Variants in ARHGAP15 observed in about 807,000 individuals in gnomAD.
ARHGAP15 encodes the protein rho GTPase-activating protein 15.
ARHGAP15 carries 51 observed loss-of-function variants against 63.7 expected under a neutral mutation model. That is an observed-to-expected ratio of 0.80 (90% CI 0.64 to 1.01). ARHGAP15 has a LOEUF of 1.01. Among genes scored for constraint, ARHGAP15 ranks in the 50% least tolerant of loss-of-function variants. The probability of loss-of-function intolerance (pLI) is 0.00; values close to 1 mark genes in which losing one functional copy is unlikely to be tolerated. For missense variants in ARHGAP15, 560 were observed against 564.6 expected, an observed-to-expected ratio of 0.99 and a Z score of 0.08; for synonymous variants, 191 against 193.8, an observed-to-expected ratio of 0.99 and a Z score of 0.12.
chr2:143,714,299 G>A (rs939240675), intron 13 of ARHGAP15, among the ~76,000 whole-genome samples: 1 of 152,178 alleles, frequency 6.6e-6, no homozygotes, highest in Non-Finnish European at 1.5e-5. Flanking sequence ...TTTCAGCCAT[G>A]GCTGGAGTGG....
At chr2:143,435,305 A>C in intron 6 of ARHGAP15, 1 of 1,060,332 alleles carries the variant, frequency 9.4e-7, no homozygotes. Context: ...TACTGTCTGC[A>C]GTTCTCTGAA....
chr2:143,468,904 G>A (rs1691381163), intron 8 of ARHGAP15, among the ~76,000 whole-genome samples: 1 of 152,222 alleles, frequency 6.6e-6, no homozygotes, highest in Middle Eastern at 3.4e-3. Flanking sequence ...TAGACACTAT[G>A]TCTGTCTCTC....
intron 6 of ARHGAP15, chr2:143,344,103 G>A (rs1351238475): frequency 2.6e-5 from 4 of 152,032 alleles, no homozygotes; most frequent in Admixed American, 6.6e-5. Context: ...CATTCAGAAC[G>A]ATTACTTGTT....
At chr2:143,187,250 A>G (rs969972061) in intron 2 of ARHGAP15, among the ~76,000 whole-genome samples, 7 of 152,188 alleles carry the variant, frequency 4.6e-5, no homozygotes, top group African/African-American at 1.7e-4. Context: ...TTCAAAGACC[A>G]AGAGGAAGCC....
At chr2:143,372,037 A>T (rs2104916321) in intron 6 of ARHGAP15, among the ~76,000 whole-genome samples, 1 of 150,052 alleles carries the variant, frequency 6.7e-6, no homozygotes, top group South Asian at 2.1e-4. Flanking sequence ...TAAATAAATA[A>T]ATAAATAAAT....
chr2:143,363,194 A>G (rs1686138111), intron 6 of ARHGAP15, among the ~76,000 whole-genome samples: 1 of 152,038 alleles, frequency 6.6e-6, no homozygotes, highest in African/African-American at 2.4e-5. Context: ...TTTTTTTGGA[A>G]CATGTTAACT....
At chr2:143,287,450 G>T (rs529918880) in intron 6 of ARHGAP15, among the ~76,000 whole-genome samples, 2 of 152,042 alleles carry the variant, frequency 1.3e-5, no homozygotes, top group Admixed American at 1.3e-4. Context: ...GTCATTGAAA[G>T]TTCACTTCCA....
chr2:143,607,584 A>G (rs1244543600), intron 11 of ARHGAP15: 2 of 151,962 alleles, frequency 1.3e-5, no homozygotes, highest in Non-Finnish European at 2.9e-5. Flanking sequence ...ACAGAGAGAG[A>G]GATCTTTCAT....
chr2:143,410,887 A>C, intron 6 of ARHGAP15, among the ~76,000 whole-genome samples: 1 of 151,598 alleles, frequency 6.6e-6, no homozygotes, highest in Non-Finnish European at 1.5e-5. Context: ...GATAGCTTCA[A>C]TCAGAGTAAA....
At chr2:143,219,947 T>C (rs1221647665) in intron 4 of ARHGAP15, among the ~76,000 whole-genome samples, 2 of 152,244 alleles carry the variant, frequency 1.3e-5, no homozygotes, top group Non-Finnish European at 2.9e-5. Flanking sequence ...GGGATAATAA[T>C]GCTTTGTCAA....
At position 143,549,072 on chromosome 2, in the gene ARHGAP15, C is replaced by T. The variant is rs554123796; in HGVS notation, c.926-7336C>T. ...ACTTCCAACATTAGAATTGGAATCACGTAACAACTGTTTTAAATATTCATA... is the reference window on the plus strand; with the variant it reads ...ACTTCCAACATTAGAATTGGAATCATGTAACAACTGTTTTAAATATTCATA... On this transcript the variant is annotated intron_variant, in intron 10 of 13. Transcript: ENST00000295095. Among the ~76,000 whole-genome samples, 200 of 152,262 alleles carry T rather than the reference C, an allele frequency of 1.3e-3. 8 individuals are homozygous for T. In the South Asian group the frequency reaches 0.038, roughly 29 times the overall value.
At chr2:143,316,086 CAAAAAT>C (rs761454432) in intron 6 of ARHGAP15, among the ~76,000 whole-genome samples, 49 of 151,526 alleles carry the variant, frequency 3.2e-4, no homozygotes, top group Admixed American at 9.2e-4. Flanking sequence ...AACTCTGTCT[CAAAAAT>C]AAAAATAAAA....
chr2:143,221,019 C>T (rs1692974469), intron 4 of ARHGAP15, among the ~76,000 whole-genome samples: 1 of 152,172 alleles, frequency 6.6e-6, no homozygotes, highest in Admixed American at 6.5e-5. Flanking sequence ...TAGCCCTGAC[C>T]TCTGCTTGAA....
At chr2:143,199,344 C>A (rs1692011133) in intron 2 of ARHGAP15, among the ~76,000 whole-genome samples, 1 of 152,108 alleles carries the variant, frequency 6.6e-6, no homozygotes, top group Non-Finnish European at 1.5e-5. Flanking sequence ...AAAATAGAAG[C>A]TTATTTCTCA....
rs532807708 is a variant in ARHGAP15, at chr2:143,181,727, C to T, written c.166-20407C>T. On this transcript the variant is annotated intron_variant, in intron 2 of 13. Transcript: ENST00000295095. ...AGCTCTTAAGGGAAAGTTGTGGCTG[C>T]TTTGATCTTCTATCCAGACCACTCA... is the stretch of plus-strand genomic sequence containing the variant. Among the ~76,000 whole-genome samples, 6 of 152,296 alleles carry T rather than the reference C, an allele frequency of 3.9e-5. No homozygotes were observed. In the South Asian group the frequency reaches 1.2e-3, roughly 32 times the overall value.
chr2:143,155,690 G>A (rs762082438), intron 2 of ARHGAP15, 35 bp downstream of exon 2: 6 of 1,495,850 alleles, frequency 4.0e-6, no homozygotes, highest in Non-Finnish European at 5.3e-6. Flanking sequence ...CAAGTTCCTT[G>A]TCATACAGAA....
At chr2:143,546,576 C>G (rs1695340624) in intron 10 of ARHGAP15, among the ~76,000 whole-genome samples, 1 of 152,090 alleles carries the variant, frequency 6.6e-6, no homozygotes, top group Non-Finnish European at 1.5e-5. Flanking sequence ...GTGGCCACCC[C>G]ACTGCTGTGT....
intron 11 of ARHGAP15, among the ~76,000 whole-genome samples, chr2:143,567,253 C>T (rs1696267647): frequency 9.2e-5 from 14 of 152,136 alleles, no homozygotes. Context: ...GTCTTGGTCT[C>T]CTCAGTATCC....
chr2:143,572,208 T>C (rs1027102430), intron 11 of ARHGAP15: 1 of 152,250 alleles, frequency 6.6e-6, no homozygotes, highest in East Asian at 1.9e-4. Flanking sequence ...GATCCTCTTA[T>C]TTCTGGGTGC....
Sources: gnomAD v4.1 joint callset for allele counts (sites outside exome capture counted in the v4.1 genomes callset) on GRCh38, gnomAD v4.1.1 for gene constraint, MANE v1.5 for transcripts, NCBI Gene and HGNC (gene_info 2026-07-23, HGNC 2026-07-21) for gene names.